SLC35F1: variants seen among roughly 807,000 people sequenced by gnomAD.
SLC35F1 encodes the protein chromosome 6 open reading frame 169.
Under a neutral mutation model 48.7 loss-of-function variants are expected in SLC35F1, and 14 were observed. The ratio of observed to expected loss-of-function variants is 0.29; its 90% confidence interval spans 0.19 to 0.45. The LOEUF (loss-of-function observed/expected upper bound fraction) is 0.45, where lower values mean the gene tolerates loss of function less well. Among genes scored for constraint, SLC35F1 ranks in the 20% least tolerant of loss-of-function variants. The probability of loss-of-function intolerance (pLI) is 1.00; values close to 1 mark genes in which losing one functional copy is unlikely to be tolerated. For synonymous variants in SLC35F1, 190 were observed against 202.2 expected, an observed-to-expected ratio of 0.94 and a Z score of 0.51; for missense variants, 404 against 500.0, an observed-to-expected ratio of 0.81 and a Z score of 1.83.
At chr6:118,107,596 A>G (rs886760796) in intron 1 of SLC35F1, among the ~76,000 whole-genome samples, 3 of 152,178 alleles carry the variant, frequency 2.0e-5, no homozygotes, top group Admixed American at 6.6e-5. Context: ...TTTTAGTTGG[A>G]TCATATATGA....
chr6:118,078,934 C>T (rs941462940), intron 1 of SLC35F1, among the ~76,000 whole-genome samples: 3 of 152,272 alleles, frequency 2.0e-5, no homozygotes, highest in Admixed American at 6.5e-5. Context: ...CCTTGTGAGA[C>T]GCCTGACTGC....
chr6:118,067,408 A>G (rs1772631412), intron 1 of SLC35F1, among the ~76,000 whole-genome samples: 1 of 152,176 alleles, frequency 6.6e-6, no homozygotes, highest in Non-Finnish European at 1.5e-5. Flanking sequence ...AGTAGGTGAT[A>G]TTGCCCAGGG....
intron 1 of SLC35F1, among the ~76,000 whole-genome samples, chr6:117,966,756 T>C (rs1776576288): frequency 6.6e-6 from 1 of 152,148 alleles, no homozygotes; most frequent in South Asian, 2.1e-4. Flanking sequence ...CCAAATTTCC[T>C]CTTCTTGTAA....
At chr6:118,182,027 G>T (rs1774584693) in intron 2 of SLC35F1, among the ~76,000 whole-genome samples, 1 of 152,126 alleles carries the variant, frequency 6.6e-6, no homozygotes, top group South Asian at 2.1e-4. Context: ...ATTTTTAAAA[G>T]AAACAACTTT....
chr6:117,954,648 C>T (rs6902543), intron 1 of SLC35F1, among the ~76,000 whole-genome samples: 6,040 of 152,190 alleles, frequency 0.04, 417 homozygotes, highest in African/African-American at 0.14. Flanking sequence ...GTAGGGCTGG[C>T]AGGTGGAAAT....
chr6:117,999,839 G>GA (rs1379142783), intron 1 of SLC35F1, among the ~76,000 whole-genome samples: 1 of 151,870 alleles, frequency 6.6e-6, no homozygotes, highest in Non-Finnish European at 1.5e-5. Flanking sequence ...AAATAAACTA[G>GA]AAAATCTAGA....
At chr6:117,972,934 T>C (rs1776661764) in intron 1 of SLC35F1, among the ~76,000 whole-genome samples, 1 of 152,244 alleles carries the variant, frequency 6.6e-6, no homozygotes, top group South Asian at 2.1e-4. Flanking sequence ...TTATGATAAA[T>C]GTTAAAATTG....
At chr6:117,939,787 C>T (rs901409069) in intron 1 of SLC35F1, among the ~76,000 whole-genome samples, 1 of 151,828 alleles carries the variant, frequency 6.6e-6, no homozygotes, top group Non-Finnish European at 1.5e-5. Flanking sequence ...TAGGAGAGTT[C>T]TCCTTTTAAA....
intron 1 of SLC35F1, chr6:117,999,328 G>C: frequency 6.3e-7 from 1 of 1,595,686 alleles, no homozygotes; most frequent in Non-Finnish European, 8.5e-7. Flanking sequence ...GGCTCAGGCT[G>C]TGCCGGCCAA....
At chr6:118,051,991 T>A (rs1196757025) in intron 1 of SLC35F1, among the ~76,000 whole-genome samples, 1 of 152,128 alleles carries the variant, frequency 6.6e-6, no homozygotes, top group Non-Finnish European at 1.5e-5. Flanking sequence ...TGTTCCAAAC[T>A]ACCTTCCATG....
At chr6:117,986,134 C>T (rs1264213514) in intron 1 of SLC35F1, among the ~76,000 whole-genome samples, 1 of 152,192 alleles carries the variant, frequency 6.6e-6, no homozygotes, top group Non-Finnish European at 1.5e-5. Flanking sequence ...TGGAATATGG[C>T]CTTCTCACAG....
rs182973787 is a variant in SLC35F1 at position 117,946,032 on chromosome 6, A to G, written c.173+38133A>G. Among the ~76,000 whole-genome samples, 195 of 152,306 alleles carry G rather than the reference A, an allele frequency of 1.3e-3. 1 individual carries two copies. Among genetic ancestry groups the G allele is most frequent in the African/African-American group, 4.5e-3 (189 of 41,564 alleles). On this transcript the variant is annotated intron_variant, in intron 1 of 7. Transcript: ENST00000360388. ...TTGTTGTCTTAGAACTGAAGAACAG[A>G]AACTCTCTTTCTTTGTGCTCCATTT...
chr6:118,023,444 C>A (rs760998521), intron 1 of SLC35F1, among the ~76,000 whole-genome samples: 17 of 152,158 alleles, frequency 1.1e-4, no homozygotes, highest in Admixed American at 2.0e-4. Flanking sequence ...AGAATATAAT[C>A]ACTGAGAGAA....
chr6:118,033,534 T>C lies in SLC35F1; in HGVS notation c.174-120911T>C, dbSNP rs551299859. Among the ~76,000 whole-genome samples, 580 of 152,276 alleles carry C rather than the reference T, an allele frequency of 3.8e-3. 1 individual carries two copies. Among genetic ancestry groups the C allele is most frequent in the Middle Eastern group, 0.02 (6 of 294 alleles). On this transcript the variant is annotated intron_variant, in intron 1 of 7. Transcript: ENST00000360388. ...AAGAAGAAACTTAAATTTGAGAGGA[T>C]TGACAATTTTAAAACATCCCATTGA...
intron 1 of SLC35F1, among the ~76,000 whole-genome samples, chr6:117,956,233 G>A (rs1776424923): frequency 6.6e-6 from 1 of 152,152 alleles, no homozygotes; most frequent in African/African-American, 2.4e-5. Flanking sequence ...CTTAGGAGTG[G>A]GGCAGGGTAT....
At chr6:118,121,714 TTTATC>T (rs1773555304) in intron 1 of SLC35F1, among the ~76,000 whole-genome samples, 1 of 152,190 alleles carries the variant, frequency 6.6e-6, no homozygotes, top group Non-Finnish European at 1.5e-5. Flanking sequence ...TCCAACTAAG[TTTATC>T]TTTTGTATGG....
intron 1 of SLC35F1, among the ~76,000 whole-genome samples, chr6:118,092,187 C>A (rs1362636534): frequency 1.1e-4 from 16 of 152,162 alleles, no homozygotes; most frequent in Admixed American, 1.0e-3. Flanking sequence ...TGTCAGAGAC[C>A]TTTGCAGCAG....
intron 1 of SLC35F1, among the ~76,000 whole-genome samples, chr6:118,093,661 G>C (rs4412242): frequency 0.93 from 141,752 of 152,274 alleles, 66,617 homozygotes; most frequent in East Asian, 1. Context: ...GTCCATTAAA[G>C]CCCTTTTTCT....
intron 3 of SLC35F1, among the ~76,000 whole-genome samples, chr6:118,248,163 A>C (rs1775531326): frequency 6.6e-6 from 1 of 152,186 alleles, no homozygotes; most frequent in Non-Finnish European, 1.5e-5. Context: ...GCATTACAGA[A>C]GATTAGATAT....
Sources: gnomAD v4.1 joint callset for allele counts (sites outside exome capture counted in the v4.1 genomes callset) on GRCh38, gnomAD v4.1.1 for gene constraint, MANE v1.5 for transcripts, NCBI Gene and HGNC (gene_info 2026-07-23, HGNC 2026-07-21) for gene names.